Variants in SLC17A5 observed in about 807,000 individuals in gnomAD.
SLC17A5 encodes the protein sialin.
Under a neutral mutation model 59.4 loss-of-function variants are expected in SLC17A5, and 47 were observed. The ratio of observed to expected loss-of-function variants is 0.79; its 90% confidence interval spans 0.63 to 1.01. The LOEUF (loss-of-function observed/expected upper bound fraction) is 1.01. Among genes scored for constraint, SLC17A5 ranks in the 50% least tolerant of loss-of-function variants. The probability of loss-of-function intolerance (pLI) is 0.00; values close to 1 mark genes in which losing one functional copy is unlikely to be tolerated. For synonymous variants in SLC17A5, 202 were observed against 210.7 expected (o/e 0.96, Z 0.36); for missense variants, 522 against 595.5 (o/e 0.88, Z 1.28).
rs375297907 is a variant in SLC17A5, at chr6:73,631,709, G to A, written c.819+3673C>T. 4.0e-5 allele frequency among the ~76,000 whole-genome samples: 6 copies of A among 151,866 alleles called. No individual in the cohort carries two copies. The East Asian group carries it at 5.8e-4, about 15-fold the overall frequency. ...GGACTGCCACCTTCTCTGTTCCAAAGATGTCCTGTACCTTACAGCACTGCA... is the reference window on the plus strand; with the variant it reads ...GGACTGCCACCTTCTCTGTTCCAAAAATGTCCTGTACCTTACAGCACTGCA... On this transcript the variant is annotated intron_variant, in intron 6 of 10. Transcript: ENST00000355773.
At chr6:73,596,190 G>C (rs1040132336) in intron 10 of SLC17A5, among the ~76,000 whole-genome samples, 1 of 152,174 alleles carries the variant, frequency 6.6e-6, no homozygotes, top group South Asian at 2.1e-4. Flanking sequence ...AAGTGTACTG[G>C]CATGTCCCTG....
At chr6:73,633,176 ATTTTT>A (rs57624307) in intron 6 of SLC17A5, among the ~76,000 whole-genome samples, 10 of 124,936 alleles carry the variant, frequency 8.0e-5, no homozygotes, top group Non-Finnish European at 1.0e-4. Flanking sequence ...ACTTGTATTA[ATTTTT>A]TTTTTTTTTT....
intron 7 of SLC17A5, among the ~76,000 whole-genome samples, chr6:73,619,016 C>T (rs674989): frequency 0.16 from 24,590 of 151,988 alleles, 3,035 homozygotes; most frequent in African/African-American, 0.34. Context: ...CCACTGCGCC[C>T]GGCCACTGTA....
At position 73,635,516 on chromosome 6, in the gene SLC17A5, T is replaced by C. The variant is rs1408405460; in HGVS notation, c.701-16A>G. On this transcript the variant is annotated splice_polypyrimidine_tract_variant and intron_variant, in intron 5 of 10. Coordinates refer to ENST00000355773, the MANE Select transcript of SLC17A5 (RefSeq NM_012434.5). Reference sequence around the variant, plus strand: ...CCAATAGTACCTTAAAATAGAAAAATAATAGTTAGATAAAATTAGAATGTA... The same window carrying C: ...CCAATAGTACCTTAAAATAGAAAAACAATAGTTAGATAAAATTAGAATGTA... The C allele has an allele frequency of 1.6e-6, 2 of 1,249,780 alleles. No individual in the cohort carries two copies. Among genetic ancestry groups the C allele is most frequent in the Admixed American group, 3.6e-5 (2 of 54,920 alleles). The allele number at this position is 1,249,780 out of a possible 1,614,324, so 77.4% of individuals were successfully genotyped here.
chr6:73,622,195 G>A lies in SLC17A5; in HGVS notation c.820-233C>T, dbSNP rs580531. Among the ~76,000 whole-genome samples, 24,642 of 151,858 alleles carry A rather than the reference G, an allele frequency of 0.16. 3,055 individuals are homozygous for A. Among genetic ancestry groups the A allele is most frequent in the African/African-American group, 0.34 (14,151 of 41,416 alleles). ...TAGAAAGTCCATGATTCAGATTAGAGGAAAAAGTAAAAATGTATTCGTAGA... is the reference window on the plus strand; with the variant it reads ...TAGAAAGTCCATGATTCAGATTAGAAGAAAAAGTAAAAATGTATTCGTAGA... On this transcript the variant is annotated intron_variant, in intron 6 of 10. Coordinates refer to ENST00000355773, the MANE Select transcript of SLC17A5 (RefSeq NM_012434.5).
At chr6:73,599,582 T>C (rs900587648) in intron 10 of SLC17A5, among the ~76,000 whole-genome samples, 1 of 152,212 alleles carries the variant, frequency 6.6e-6, no homozygotes, top group African/African-American at 2.4e-5. Context: ...GAGGACAAGG[T>C]TAAACATTTT....
chr6:73,614,897 C>A (rs925172941), intron 8 of SLC17A5, among the ~76,000 whole-genome samples: 2 of 152,102 alleles, frequency 1.3e-5, no homozygotes, highest in African/African-American at 4.8e-5. Context: ...AAGTGTTTCT[C>A]TGAGTTCTCT....
intron 6 of SLC17A5, among the ~76,000 whole-genome samples, chr6:73,634,797 TC>T (rs770310025): frequency 1.8e-4 from 27 of 152,280 alleles, no homozygotes; most frequent in Non-Finnish European, 1.2e-4. Context: ...CTTTTGGATT[TC>T]AGAGTATTTT....
intron 5 of SLC17A5, 110 bp from the exon 6 acceptor site, chr6:73,635,610 T>C (rs1014090001): frequency 3.2e-6 from 2 of 621,138 alleles, no homozygotes; most frequent in Non-Finnish European, 5.6e-6. Context: ...TTACATGTCT[T>C]GAAAAAATTA....
chr6:73,612,261 C>T (rs1306780347), intron 8 of SLC17A5, among the ~76,000 whole-genome samples: 1 of 151,910 alleles, frequency 6.6e-6, no homozygotes, highest in African/African-American at 2.4e-5. Flanking sequence ...CTCCCAGGTT[C>T]AAGCAATTCT....
chr6:73,653,631 T>A (rs898660662), intron 1 of SLC17A5, 162 bp downstream of exon 1: 2 of 526,538 alleles, frequency 3.8e-6, no homozygotes, highest in Non-Finnish European at 4.9e-6. Flanking sequence ...CAGGCGGGAC[T>A]GAGCGGCACT....
chr6:73,626,369 C>T (rs1455944472), intron 6 of SLC17A5, among the ~76,000 whole-genome samples: 2 of 152,144 alleles, frequency 1.3e-5, no homozygotes, highest in Admixed American at 6.6e-5. Context: ...TGTATGTATT[C>T]CAGCTTAGTG....
chr6:73,641,230 C>T (rs1461750161), intron 3 of SLC17A5, among the ~76,000 whole-genome samples: 1 of 152,126 alleles, frequency 6.6e-6, no homozygotes, highest in East Asian at 1.9e-4. Context: ...CAGGTGTGCA[C>T]CACCATGCCC....
At chr6:73,636,462 G>A (rs1415422798) in intron 5 of SLC17A5, among the ~76,000 whole-genome samples, 159 bp downstream of exon 5, 1 of 152,058 alleles carries the variant, frequency 6.6e-6, no homozygotes, top group Non-Finnish European at 1.5e-5. Flanking sequence ...AACTCAAATA[G>A]GTCAAGTAAA....
intron 7 of SLC17A5, among the ~76,000 whole-genome samples, chr6:73,615,718 T>C (rs1347038534): frequency 6.6e-6 from 1 of 152,102 alleles, no homozygotes; most frequent in Non-Finnish European, 1.5e-5. Context: ...TTCTCTGGGA[T>C]CTGGGTTGTG....
At chr6:73,620,638 T>C (rs1213649329) in intron 7 of SLC17A5, among the ~76,000 whole-genome samples, 1 of 152,148 alleles carries the variant, frequency 6.6e-6, no homozygotes, top group Admixed American at 6.6e-5. Context: ...CTTTGGAATG[T>C]GAGTGACTGA....
intron 6 of SLC17A5, among the ~76,000 whole-genome samples, chr6:73,627,933 T>C (rs1022609560): frequency 6.6e-6 from 1 of 151,826 alleles, no homozygotes; most frequent in Non-Finnish European, 1.5e-5. Context: ...TTTTTTTTTT[T>C]TTTTTGAGAC....
intron 1 of SLC17A5, chr6:73,653,591 G>A (rs1233680368): frequency 1.6e-5 from 11 of 668,496 alleles, no homozygotes; most frequent in Non-Finnish European, 2.0e-5. Flanking sequence ...GCGGCCCCCG[G>A]GGTTCCCGAG....
intron 9 of SLC17A5, among the ~76,000 whole-genome samples, chr6:73,607,952 T>C (rs1767473024): frequency 6.6e-6 from 1 of 151,728 alleles, no homozygotes; most frequent in Non-Finnish European, 1.5e-5. Flanking sequence ...AATTTTTGTA[T>C]TTTTAGTAGA....
Sources: gnomAD v4.1 joint callset for allele counts (sites outside exome capture counted in the v4.1 genomes callset) on GRCh38, gnomAD v4.1.1 for gene constraint, MANE v1.5 for transcripts, NCBI Gene and HGNC (gene_info 2026-07-23, HGNC 2026-07-21) for gene names.